Variants in SLC17A5 observed in about 807,000 individuals in gnomAD.
SLC17A5 encodes solute carrier family 17 member 5.
Under a neutral mutation model 59.4 loss-of-function variants are expected in SLC17A5, and 47 were observed. The ratio of observed to expected loss-of-function variants is 0.79; its 90% CI spans 0.63 to 1.01. SLC17A5 has a LOEUF of 1.01. Among genes scored for constraint, SLC17A5 ranks in the 50% least tolerant of loss-of-function variants. SLC17A5 has a pLI of 0.00. For missense variants in SLC17A5, 522 were observed against 595.5 expected (o/e 0.88, Z 1.28); for synonymous variants, 202 against 210.7 (o/e 0.96, Z 0.36).
At chr6:73,641,606 A>G (rs886776563) in intron 3 of SLC17A5, 85 bp downstream of exon 3, 1 of 1,039,794 alleles carries the variant, frequency 9.6e-7, no homozygotes, top group African/African-American at 1.6e-5. Flanking sequence ...TTTTTGGTTC[A>G]TATTCATACC....
chr6:73,632,291 CAAAAAAA>C (rs71000140), intron 6 of SLC17A5, among the ~76,000 whole-genome samples: 1 of 63,752 alleles, frequency 1.6e-5, no homozygotes. Flanking sequence ...GAGCTAGACT[CAAAAAAA>C]AAAAAAAAAA....
intron 3 of SLC17A5, 145 bp from the exon 4 acceptor site, chr6:73,638,644 T>A (rs1486953953): frequency 9.8e-6 from 7 of 711,272 alleles, no homozygotes; most frequent in Non-Finnish European, 1.7e-5. Flanking sequence ...ATTTTTACAG[T>A]GTTAAGTGAA....
At chr6:73,628,463 C>T (rs1308665111) in intron 6 of SLC17A5, among the ~76,000 whole-genome samples, 2 of 151,970 alleles carry the variant, frequency 1.3e-5, no homozygotes, top group African/African-American at 2.4e-5. Context: ...CCCAGCTACT[C>T]GGGAGGCTGA....
At chr6:73,609,279 A>G (rs1221899772) in intron 9 of SLC17A5, among the ~76,000 whole-genome samples, 3 of 152,232 alleles carry the variant, frequency 2.0e-5, no homozygotes, top group Non-Finnish European at 4.4e-5. Flanking sequence ...GAATATTTCC[A>G]GAGAGGTAGC....
chr6:73,638,818 T>C (rs1182817720), intron 3 of SLC17A5, among the ~76,000 whole-genome samples: 3 of 150,066 alleles, frequency 2.0e-5, no homozygotes, highest in Non-Finnish European at 4.5e-5. Flanking sequence ...AAAAAAAAAG[T>C]AAAACTCCCC....
At chr6:73,597,977 AT>A (rs1429194597) in intron 10 of SLC17A5, among the ~76,000 whole-genome samples, 2 of 152,196 alleles carry the variant, frequency 1.3e-5, no homozygotes, top group Non-Finnish European at 2.9e-5. Context: ...ATGAAAAAAA[AT>A]CTTAGATACT....
At chr6:73,653,188 T>C (rs898688198) in intron 1 of SLC17A5, 16 of 985,312 alleles carry the variant, frequency 1.6e-5, no homozygotes, top group Non-Finnish European at 1.8e-5. Flanking sequence ...AGCTGGGTTA[T>C]ACAATAGTTG....
At chr6:73,641,663 A>G (rs1387292155) in intron 3 of SLC17A5, 28 bp downstream of exon 3, 3 of 1,492,222 alleles carry the variant, frequency 2.0e-6, no homozygotes, top group Middle Eastern at 1.8e-4. Context: ...CACGGTAAGA[A>G]GTAAAACAAG....
intron 1 of SLC17A5, chr6:73,653,392 C>T: frequency 1.0e-6 from 1 of 985,436 alleles, no homozygotes; most frequent in Non-Finnish European, 1.2e-6. Context: ...CCGCTCGGAC[C>T]TTAGCCCATT....
At chr6:73,599,804 CTT>C (rs36013540) in intron 10 of SLC17A5, among the ~76,000 whole-genome samples, 4,058 of 146,726 alleles carry the variant, frequency 0.028, 81 homozygotes, top group Non-Finnish European at 0.044. Flanking sequence ...TCCTGAAATT[CTT>C]TTTTTTTTTT....
intron 3 of SLC17A5, among the ~76,000 whole-genome samples, chr6:73,640,492 T>C (rs1489615877): frequency 6.6e-6 from 1 of 152,212 alleles, no homozygotes; most frequent in Admixed American, 6.5e-5. Flanking sequence ...ATCTAGAGAT[T>C]AGAGCTTACC....
rs771211311 is a variant in SLC17A5 at position 73,644,622 on chromosome 6, AAAATTTTTATTTATTTTT to A, written c.95-37_95-20del. The A allele has an allele frequency of 2.4e-5, 38 of 1,604,056 alleles. No individual in the cohort carries two copies. The highest frequency in any genetic ancestry group is 6.7e-5 in the African/African-American group (5 of 74,450). ...ACTGGAGCTGAAATAAAGATTGGGG[AAAATTTTTATTTATTTTT>A]AAATTTTTATTTTTAGAGACAGGGT... On this transcript the variant is annotated intron_variant, in intron 1 of 10. Coordinates refer to ENST00000355773, the MANE Select transcript of SLC17A5 (RefSeq NM_012434.5).
At chr6:73,651,483 A>AAAAAAAAAAAAC (rs1368983159) in intron 1 of SLC17A5, among the ~76,000 whole-genome samples, 3 of 133,844 alleles carry the variant, frequency 2.2e-5, no homozygotes, top group Non-Finnish European at 3.3e-5. Context: ...AAAAAAAAAA[A>AAAAAAAAAAAAC]ATCAGGACAT....
At chr6:73,634,567 T>C (rs1405321928) in intron 6 of SLC17A5, among the ~76,000 whole-genome samples, 1 of 152,048 alleles carries the variant, frequency 6.6e-6, no homozygotes, top group East Asian at 1.9e-4. Flanking sequence ...GCCCAGCTAA[T>C]TTTTGTATTT....
intron 2 of SLC17A5, 21 bp downstream of exon 2, chr6:73,644,386 T>G (rs1358946058): frequency 1.9e-6 from 3 of 1,585,600 alleles, no homozygotes; most frequent in Non-Finnish European, 2.6e-6. Flanking sequence ...TAAAATTGTT[T>G]CCTTAAAAAA....
chr6:73,636,767 A>T, intron 4 of SLC17A5, 60 bp from the exon 5 acceptor site: 2 of 1,205,480 alleles, frequency 1.7e-6, no homozygotes, highest in South Asian at 2.4e-5. Context: ...GATAGGACAG[A>T]CAAGTCTACT....
chr6:73,612,766 T>C (rs982030966), intron 8 of SLC17A5, among the ~76,000 whole-genome samples: 1 of 152,170 alleles, frequency 6.6e-6, no homozygotes, highest in African/African-American at 2.4e-5. Flanking sequence ...AAGTTACCTT[T>C]CTAGGCCAGG....
intron 10 of SLC17A5, among the ~76,000 whole-genome samples, chr6:73,596,882 T>G (rs931242232): frequency 2.7e-4 from 28 of 105,592 alleles, no homozygotes; most frequent in African/African-American, 1.1e-3. Flanking sequence ...CAAAACTGGT[T>G]GGGCGTGGTG....
At chr6:73,642,049 CA>C in intron 2 of SLC17A5, 125 bp from the exon 3 acceptor site, 1 of 816,520 alleles carries the variant, frequency 1.2e-6, no homozygotes, top group Non-Finnish European at 2.1e-6. Context: ...GAAGAACATG[CA>C]AACTTTCTAG....
Sources: allele counts gnomAD v4.1 joint callset (sites outside exome capture counted in the v4.1 genomes callset), GRCh38; gene constraint gnomAD v4.1.1; transcripts MANE v1.5; gene names NCBI Gene and HGNC (gene_info 2026-07-23, HGNC 2026-07-21).